The following GOLM2 variants were observed in gnomAD, a reference collection of about 807,000 sequenced individuals.
GOLM2 encodes protein GOLM2.
GOLM2 carries 26 observed loss-of-function variants against 55.9 expected under a neutral mutation model. The ratio of observed to expected loss-of-function variants is 0.47; its 90% CI spans 0.34 to 0.65. The LOEUF (loss-of-function observed/expected upper bound fraction) is 0.65. Among genes scored for constraint, GOLM2 ranks in the 30% least tolerant of loss-of-function variants. GOLM2 has a pLI of 0.01. For synonymous variants in GOLM2, 165 were observed against 194.6 expected, an observed-to-expected ratio of 0.85 and a Z score of 1.27; for missense variants, 486 against 531.8, an observed-to-expected ratio of 0.91 and a Z score of 0.85.
chr15:44,352,814 G>A (rs992473007), intron 6 of GOLM2, among the ~76,000 whole-genome samples: 8 of 151,854 alleles, frequency 5.3e-5, no homozygotes, highest in African/African-American at 1.9e-4. Flanking sequence ...GCTGAGGCAG[G>A]AGAATCGCTT....
intron 8 of GOLM2, among the ~76,000 whole-genome samples, chr15:44,386,361 C>T (rs1290839443): frequency 1.3e-5 from 2 of 152,166 alleles, no homozygotes; most frequent in Non-Finnish European, 2.9e-5. Flanking sequence ...GGGTTTATTT[C>T]TGAATTATAA....
chr15:44,339,732 G>T (rs1014639944), intron 6 of GOLM2, among the ~76,000 whole-genome samples: 1 of 151,954 alleles, frequency 6.6e-6, no homozygotes, highest in Non-Finnish European at 1.5e-5. Context: ...TCTCCTGGGC[G>T]CAAGCTATCC....
chr15:44,325,591 T>A (rs2078975796), intron 2 of GOLM2, among the ~76,000 whole-genome samples: 1 of 152,234 alleles, frequency 6.6e-6, no homozygotes, highest in Admixed American at 6.5e-5. Context: ...GTCCGAAAGA[T>A]CACCAATTGA....
intron 4 of GOLM2, among the ~76,000 whole-genome samples, chr15:44,336,440 C>T (rs188419802): frequency 6.6e-6 from 1 of 152,188 alleles, no homozygotes; most frequent in East Asian, 1.9e-4. Context: ...TTTTTAATAC[C>T]TCAGTTTTGT....
At chr15:44,322,861 A>G in intron 1 of GOLM2, 104 bp from the exon 2 acceptor site, 2 of 691,416 alleles carry the variant, frequency 2.9e-6, no homozygotes, top group Non-Finnish European at 4.9e-6. Context: ...AAATAACCAG[A>G]GTTTTTTGTT....
At chr15:44,351,759 C>A (rs1159601181) in intron 6 of GOLM2, among the ~76,000 whole-genome samples, 2 of 151,910 alleles carry the variant, frequency 1.3e-5, no homozygotes, top group Non-Finnish European at 2.9e-5. Context: ...ATACAGAAAT[C>A]AGTAGCATTT....
At chr15:44,330,919 G>T (rs1595629858) in intron 3 of GOLM2, among the ~76,000 whole-genome samples, 1 of 151,962 alleles carries the variant, frequency 6.6e-6, no homozygotes, top group Non-Finnish European at 1.5e-5. Context: ...TACCAAATTT[G>T]GTTTTAATTC....
chr15:44,374,258 ATTT>A (rs1432172699), intron 6 of GOLM2, among the ~76,000 whole-genome samples: 2 of 152,170 alleles, frequency 1.3e-5, no homozygotes, highest in Admixed American at 1.3e-4. Context: ...TGATAAATAC[ATTT>A]TATTATTTTA....
chr15:44,338,402 A>G (rs2079071355), intron 6 of GOLM2, 85 bp downstream of exon 6: 2 of 992,246 alleles, frequency 2.0e-6, no homozygotes, highest in African/African-American at 3.2e-5. Flanking sequence ...TAACACTTGG[A>G]AAAGTCACAG....
At chr15:44,337,697 T>G in intron 4 of GOLM2, 66 bp from the exon 5 acceptor site, 1 of 1,160,572 alleles carries the variant, frequency 8.6e-7, no homozygotes, top group Non-Finnish European at 1.2e-6. Context: ...AACATTTAAT[T>G]AATAGTTGTG....
chr15:44,334,370 A>T (rs756951657), intron 4 of GOLM2, among the ~76,000 whole-genome samples: 2 of 152,230 alleles, frequency 1.3e-5, no homozygotes, highest in Non-Finnish European at 2.9e-5. Flanking sequence ...TGAAATAAGC[A>T]TAAATTGTAT....
chr15:44,300,515 G>A (rs1306753842), intron 1 of GOLM2, among the ~76,000 whole-genome samples: 4 of 152,078 alleles, frequency 2.6e-5, no homozygotes, highest in Non-Finnish European at 5.9e-5. Context: ...GCTGCTTTTT[G>A]AAAAATGATG....
intron 1 of GOLM2, among the ~76,000 whole-genome samples, chr15:44,292,516 GTTTTT>G (rs1389349160): frequency 6.6e-6 from 1 of 152,044 alleles, no homozygotes; most frequent in Admixed American, 6.6e-5. Context: ...ATTTTTAAAA[GTTTTT>G]TCTTTTTTTA....
intron 4 of GOLM2, among the ~76,000 whole-genome samples, chr15:44,336,464 A>C (rs1351276525): frequency 6.6e-6 from 1 of 152,186 alleles, no homozygotes. Context: ...TCTCAAAACT[A>C]TTAATTTTAT....
chr15:44,341,305 C>A (rs572666071), intron 6 of GOLM2, among the ~76,000 whole-genome samples: 20 of 152,228 alleles, frequency 1.3e-4, no homozygotes, highest in African/African-American at 4.6e-4. Context: ...TGGTCTCGAT[C>A]TCCCAACCTT....
intron 8 of GOLM2, among the ~76,000 whole-genome samples, chr15:44,392,264 G>A (rs573731448): frequency 6.6e-6 from 1 of 152,216 alleles, no homozygotes; most frequent in South Asian, 2.1e-4. Flanking sequence ...AAGTTGGACA[G>A]CAAAACTAAG....
intron 8 of GOLM2, chr15:44,387,516 A>G (rs1158268977): frequency 6.6e-6 from 1 of 151,704 alleles, no homozygotes; most frequent in Non-Finnish European, 1.5e-5. Flanking sequence ...TAATCCCAGC[A>G]TTTTCGGAGA....
chr15:44,299,926 C>CAAAAAAAA (rs1009141482), intron 1 of GOLM2, among the ~76,000 whole-genome samples: 2 of 11,536 alleles, frequency 1.7e-4, no homozygotes, highest in Non-Finnish European at 2.5e-4. Flanking sequence ...GGCAACATAG[C>CAAAAAAAA]AAAAAAAAAA....
chr15:44,367,153 T>G (rs540117298), intron 6 of GOLM2, among the ~76,000 whole-genome samples: 4 of 152,144 alleles, frequency 2.6e-5, no homozygotes, highest in African/African-American at 9.6e-5. Context: ...TGGTTGCTTT[T>G]CTGCTAGAAC....
Sources: allele counts gnomAD v4.1 joint callset (sites outside exome capture counted in the v4.1 genomes callset), GRCh38; gene constraint gnomAD v4.1.1; transcripts MANE v1.5; gene names NCBI Gene and HGNC (gene_info 2026-07-23, HGNC 2026-07-21).